RAB28: variants seen among roughly 807,000 people sequenced by gnomAD.
The protein encoded by RAB28 is RAB28, member RAS oncogene family, also known as ras-related protein Rab-28.
In RAB28, 24 loss-of-function variants were observed where a neutral mutation model predicts 31.7. That is an observed-to-expected ratio of 0.76 (90% confidence interval 0.55 to 1.06). RAB28 has a LOEUF of 1.06. RAB28 is among the 50% of genes least tolerant of loss of function. The probability of loss-of-function intolerance (pLI) is 0.00; values close to 1 mark genes in which losing one functional copy is unlikely to be tolerated. For missense variants in RAB28, 254 were observed against 258.5 expected, an observed-to-expected ratio of 0.98 and a Z score of 0.12; for synonymous variants, 100 against 90.4, an observed-to-expected ratio of 1.11 and a Z score of -0.60.
At chr4:13,460,558 T>G (rs1715540561) in intron 4 of RAB28, 141 bp downstream of exon 4, 15 of 1,038,302 alleles carry the variant, frequency 1.4e-5, no homozygotes, top group Non-Finnish European at 2.0e-5. Context: ...CCTAATTACC[T>G]CCCAAAACCC....
chr4:13,395,955 A>T (rs17469268), intron 4 of RAB28, among the ~76,000 whole-genome samples: 24,264 of 152,038 alleles, frequency 0.16, 2,398 homozygotes, highest in Middle Eastern at 0.34. Flanking sequence ...TATTCCATGT[A>T]TTTTAAAAAG....
chr4:13,391,110 G>A (rs138098815), intron 4 of RAB28, among the ~76,000 whole-genome samples: 2,322 of 152,252 alleles, frequency 0.015, 64 homozygotes, highest in African/African-American at 0.053. Flanking sequence ...CCATCAGAGT[G>A]AACAGGCAAC....
intron 3 of RAB28, among the ~76,000 whole-genome samples, chr4:13,467,354 GA>G (rs1049617920): frequency 8.5e-4 from 128 of 150,248 alleles, no homozygotes; most frequent in African/African-American, 2.1e-3. Flanking sequence ...CATACAGGAT[GA>G]AAAAAAAGTG....
At position 13,381,543 on chromosome 4, in the gene RAB28, C is replaced by A; in HGVS notation, c.443G>T (p.Cys148Phe). The A allele has an allele frequency of 6.2e-7, 1 of 1,613,248 alleles. No individual in the cohort carries two copies. The highest frequency in any genetic ancestry group is 1.1e-5 in the South Asian group (1 of 91,020). Residue 148 changes from cysteine to phenylalanine, a missense_variant, in exon 5 of 7, where the codon TGC becomes TTC. Transcript: ENST00000330852. Reference sequence around the variant, plus strand: ...GTGGCTACTAAAACCATTTTCCTGGCAAAACCGTAAGTGTTTTTCAGGTTT... The same window carrying A: ...GTGGCTACTAAAACCATTTTCCTGGAAAAACCGTAAGTGTTTTTCAGGTTT... ...TIKPEKHLRF[C>F]QENGFSSHFV...
rs1728592787 is a variant in RAB28, at chr4:13,368,441, A to G, written c.*117T>C. 1 of 1,319,356 alleles carries G rather than the reference A, an allele frequency of 7.6e-7. No homozygotes were observed. The allele number at this position is 1,319,356 out of a possible 1,614,324, so 81.7% of individuals were successfully genotyped here. A position where few individuals can be genotyped will look rare whatever the true frequency, so the allele number is the denominator to read the frequency against. On this transcript the variant is annotated 3_prime_UTR_variant, in exon 7 of 7. Coordinates refer to ENST00000330852, the MANE Select transcript of RAB28 (RefSeq NM_001017979.3). ...AATAGCAATGATGAAGCAAGTTGGG[A>G]GTAAAGTGTTAACTGAACTACAGAG...
At chr4:13,445,101 G>A (rs1714628517) in intron 4 of RAB28, among the ~76,000 whole-genome samples, 1 of 150,828 alleles carries the variant, frequency 6.6e-6, no homozygotes, top group East Asian at 2.0e-4. Context: ...CTCTAATCTT[G>A]TCTGCATGCC....
At chr4:13,448,524 G>C (rs541102210) in intron 4 of RAB28, among the ~76,000 whole-genome samples, 85 of 152,148 alleles carry the variant, frequency 5.6e-4, no homozygotes, top group African/African-American at 1.9e-3. Flanking sequence ...ATGGTTTGGG[G>C]CAGGCTATCC....
intron 4 of RAB28, among the ~76,000 whole-genome samples, chr4:13,458,127 G>A (rs1715398741): frequency 2.0e-5 from 3 of 152,044 alleles, no homozygotes; most frequent in African/African-American, 7.2e-5. Context: ...AGAATCATTT[G>A]CAAAACAAAT....
intron 4 of RAB28, among the ~76,000 whole-genome samples, chr4:13,403,585 T>C (rs1577178578): frequency 6.6e-6 from 1 of 152,214 alleles, no homozygotes; most frequent in Non-Finnish European, 1.5e-5. Flanking sequence ...CCCTTCTCTT[T>C]ATGGCATATT....
At chr4:13,414,779 C>T (rs1335332412) in intron 4 of RAB28, among the ~76,000 whole-genome samples, 1 of 152,164 alleles carries the variant, frequency 6.6e-6, no homozygotes, top group African/African-American at 2.4e-5. Flanking sequence ...GCTGGTTTAA[C>T]ATTAGATCTT....
chr4:13,373,943 ATG>A (rs1728820140), intron 6 of RAB28, among the ~76,000 whole-genome samples: 1 of 150,974 alleles, frequency 6.6e-6, no homozygotes, highest in East Asian at 1.9e-4. Flanking sequence ...GTGTATATAT[ATG>A]TATGTATGTA....
intron 4 of RAB28, among the ~76,000 whole-genome samples, chr4:13,432,395 A>T (rs1050041808): frequency 6.6e-6 from 1 of 152,190 alleles, no homozygotes; most frequent in African/African-American, 2.4e-5. Flanking sequence ...AAATTTCCCT[A>T]ATCTTGCAAG....
At chr4:13,473,966 C>T in intron 3 of RAB28, 2 of 364,432 alleles carry the variant, frequency 5.5e-6, no homozygotes, top group Non-Finnish European at 5.3e-6. Context: ...AATTTTCATC[C>T]CTGTGTTTTT....
At position 13,368,414 on chromosome 4, in the gene RAB28, G is replaced by A; in HGVS notation, c.*144C>T. On this transcript the variant is annotated 3_prime_UTR_variant, in exon 7 of 7. Transcript: ENST00000330852. Reference sequence around the variant, plus strand: ...CCAAGGAGCTGCCTGCCACTGTGAGGCAATAGCAATGATGAAGCAAGTTGG... The same window carrying A: ...CCAAGGAGCTGCCTGCCACTGTGAGACAATAGCAATGATGAAGCAAGTTGG... 3.1e-6 allele frequency: 4 copies of A among 1,278,844 alleles called. No individual in the cohort carries two copies. The highest frequency in any genetic ancestry group is 4.0e-6 in the Non-Finnish European group (4 of 1,011,182). 79.2% of individuals were successfully genotyped at this position (1,278,844 alleles called of 1,614,324 possible). A position where few individuals can be genotyped will look rare whatever the true frequency, so the allele number is the denominator to read the frequency against.
chr4:13,396,326 A>G (rs1729871368), intron 4 of RAB28, among the ~76,000 whole-genome samples: 1 of 152,008 alleles, frequency 6.6e-6, no homozygotes, highest in African/African-American at 2.4e-5. Context: ...TCCAAACACA[A>G]AATAAACTGT....
chr4:13,471,292 C>T (rs1363084849), intron 3 of RAB28, among the ~76,000 whole-genome samples: 1 of 151,914 alleles, frequency 6.6e-6, no homozygotes, highest in Non-Finnish European at 1.5e-5. Context: ...TATTAAAATG[C>T]TATTAGGATG....
At chr4:13,420,589 A>C (rs1398962898) in intron 4 of RAB28, among the ~76,000 whole-genome samples, 2 of 152,234 alleles carry the variant, frequency 1.3e-5, no homozygotes, top group East Asian at 3.8e-4. Context: ...CCTGGGATGC[A>C]AAGCTGGTTC....
At chr4:13,378,288 G>C (rs1482564734) in intron 5 of RAB28, among the ~76,000 whole-genome samples, 1 of 152,184 alleles carries the variant, frequency 6.6e-6, no homozygotes, top group African/African-American at 2.4e-5. Context: ...AAAGAGACGA[G>C]AGTGATCAGC....
At chr4:13,382,691 G>C (rs966147736) in intron 4 of RAB28, among the ~76,000 whole-genome samples, 1 of 131,912 alleles carries the variant, frequency 7.6e-6, no homozygotes, top group Non-Finnish European at 1.6e-5. Context: ...GGAAAATATG[G>C]AATTTTTTTT....
Sources: allele counts gnomAD v4.1 joint callset (sites outside exome capture counted in the v4.1 genomes callset), GRCh38; gene constraint gnomAD v4.1.1; transcripts MANE v1.5; gene names NCBI Gene and HGNC (gene_info 2026-07-23, HGNC 2026-07-21).